The following ZNF106 variants were observed in gnomAD, a reference collection of about 807,000 sequenced individuals.
ZNF106 encodes the protein SH3-domain binding protein 3.
ZNF106 carries 67 observed loss-of-function variants against 195.1 expected under a neutral mutation model. That is an observed-to-expected ratio of 0.34 (90% CI 0.28 to 0.42). ZNF106 has a LOEUF of 0.42. ZNF106 is among the 10% of genes least tolerant of loss of function. ZNF106 has a pLI of 1.00. For synonymous variants in ZNF106, 784 were observed against 818.6 expected, an observed-to-expected ratio of 0.96 and a Z score of 0.72; for missense variants, 2,118 against 2,304.5, an observed-to-expected ratio of 0.92 and a Z score of 1.66.
At chr15:42,429,003 G>A (rs1304146065) in intron 14 of ZNF106, among the ~76,000 whole-genome samples, 1 of 151,332 alleles carries the variant, frequency 6.6e-6, no homozygotes, top group South Asian at 2.1e-4. Context: ...CTGACCTCGT[G>A]ATCTGCCCGC....
chr15:42,420,804 G>A (rs2054626584), intron 20 of ZNF106, among the ~76,000 whole-genome samples: 1 of 152,156 alleles, frequency 6.6e-6, no homozygotes, highest in African/African-American at 2.4e-5. Flanking sequence ...CGGGAGTAGA[G>A]GGGGCAGTGC....
At chr15:42,446,492 G>T in intron 7 of ZNF106, 97 bp downstream of exon 7, 1 of 879,416 alleles carries the variant, frequency 1.1e-6, no homozygotes, top group African/African-American at 1.7e-5. Flanking sequence ...GAAGAGGATT[G>T]CTTGAGCCCA....
chr15:42,435,260 T>A, intron 14 of ZNF106, 124 bp downstream of exon 14: 1 of 1,342,228 alleles, frequency 7.5e-7, no homozygotes, highest in Non-Finnish European at 1.0e-6. Flanking sequence ...GTGCTAAACA[T>A]TGTTTAGAAG....
chr15:42,427,067 G>A (rs1206977997), intron 15 of ZNF106, among the ~76,000 whole-genome samples: 1 of 152,100 alleles, frequency 6.6e-6, no homozygotes, highest in African/African-American at 2.4e-5. Flanking sequence ...TCTAACACAT[G>A]GTTACAAGAT....
In ZNF106 at chr15:42,451,520, C is replaced by T. The variant is rs770329803; in HGVS notation, c.752G>A (p.Ser251Asn). The T allele has an allele frequency of 3.1e-6, 5 of 1,614,102 alleles. No individual in the cohort carries two copies. The Admixed American group carries it at 8.3e-5, about 27-fold the overall frequency. ...ATTCCAATTATTTGTACTACGTACA[C>T]TGGATTTCCAGTTTCCGTTACTGTT... Reference protein sequence around the residue: ...MNNSNGNWKSSVRSTNNWNYS... With the variant: ...MNNSNGNWKSNVRSTNNWNYS... Residue 251 changes from serine (S) to asparagine (N), a missense_variant, in exon 5 of 22, where the codon AGT (serine) becomes AAT (asparagine). Ser to Asn is a conservative substitution (Grantham distance 46, BLOSUM62 1). Transcript: ENST00000564754.
At chr15:42,436,088 G>A (rs1054856400) in intron 13 of ZNF106, among the ~76,000 whole-genome samples, 2 of 151,864 alleles carry the variant, frequency 1.3e-5, no homozygotes, top group Admixed American at 6.6e-5. Context: ...CAAGTAGCTG[G>A]GACTACAGGT....
In ZNF106 at chr15:42,414,262, C is replaced by CA. The variant is rs1370990613; in HGVS notation, c.*3041dup. 2 of 152,154 alleles carry CA rather than the reference C, an allele frequency of 1.3e-5. No homozygotes were observed. Among genetic ancestry groups the CA allele is most frequent in the Non-Finnish European group, 2.9e-5 (2 of 68,038 alleles). 9.4% of individuals were successfully genotyped at this position (152,154 alleles called of 1,614,324 possible). ...TGTGGAAGACATTAAAAAAAGAAGG[C>CA]AAAGTTCTGTATAATTTTCAAGACT... On this transcript the variant is annotated 3_prime_UTR_variant, in exon 22 of 22. Coordinates refer to ENST00000564754, the MANE Select transcript of ZNF106 (RefSeq NM_001366845.3).
chr15:42,421,835 C>T (rs2054668001), intron 19 of ZNF106, 82 bp downstream of exon 19: 3 of 1,129,604 alleles, frequency 2.7e-6, no homozygotes, highest in East Asian at 4.9e-5. Flanking sequence ...ATATCAGAAG[C>T]AGATGTCACT....
At chr15:42,436,201 C>T (rs923402320) in intron 13 of ZNF106, among the ~76,000 whole-genome samples, 1 of 152,172 alleles carries the variant, frequency 6.6e-6, no homozygotes, top group Admixed American at 6.5e-5. Context: ...GATCCACCCA[C>T]CTTGGCCTCC....
At chr15:42,464,865 A>G (rs550719907) in intron 3 of ZNF106, among the ~76,000 whole-genome samples, 12 of 152,254 alleles carry the variant, frequency 7.9e-5, no homozygotes, top group African/African-American at 2.9e-4. Context: ...ATGGTAGTGA[A>G]TAAGTCTCAG....
intron 1 of ZNF106, among the ~76,000 whole-genome samples, chr15:42,482,267 A>G (rs1257804447): frequency 6.6e-6 from 1 of 152,082 alleles, no homozygotes. Context: ...GCTAATCCCA[A>G]CGTTTAAGCA....
At chr15:42,474,051 G>GT (rs2056733416) in intron 1 of ZNF106, among the ~76,000 whole-genome samples, 2 of 152,170 alleles carry the variant, frequency 1.3e-5, no homozygotes, top group Non-Finnish European at 2.9e-5. Context: ...ACAGCCAGAA[G>GT]CGTGAGCCAT....
At chr15:42,485,392 A>G (rs911479888) in intron 1 of ZNF106, among the ~76,000 whole-genome samples, 4 of 152,230 alleles carry the variant, frequency 2.6e-5, no homozygotes, top group Non-Finnish European at 5.9e-5. Context: ...ATTCAATATC[A>G]TGCTGTTACA....
In ZNF106 at chr15:42,413,946, T is replaced by C. The variant is rs1374808885; in HGVS notation, c.*3358A>G. ...CTAATTAAAAACTTTCACAGAAAAC[T>C]TGAAGTGACTGATACTTTATCACAA... On this transcript the variant is annotated 3_prime_UTR_variant, in exon 22 of 22. Transcript: ENST00000564754. The C allele has an allele frequency of 6.6e-6, 1 of 152,240 alleles. No individual in the cohort carries two copies. The highest frequency in any genetic ancestry group is 2.4e-5 in the African/African-American group (1 of 41,462). 9.4% of individuals were successfully genotyped at this position (152,240 alleles called of 1,614,324 possible).
chr15:42,433,324 C>T (rs1256775361), intron 14 of ZNF106, among the ~76,000 whole-genome samples: 1 of 151,970 alleles, frequency 6.6e-6, no homozygotes, highest in African/African-American at 2.4e-5. Context: ...CCAGGGTGGT[C>T]CCGATCTCCT....
intron 1 of ZNF106, among the ~76,000 whole-genome samples, chr15:42,478,812 CA>C (rs2056840060): frequency 6.6e-6 from 1 of 151,886 alleles, no homozygotes; most frequent in African/African-American, 2.4e-5. Context: ...ATGCCCAGCC[CA>C]GATGTCCTCA....
At chr15:42,440,020 T>G (rs2055441698) in intron 10 of ZNF106, among the ~76,000 whole-genome samples, 1 of 152,226 alleles carries the variant, frequency 6.6e-6, no homozygotes, top group Non-Finnish European at 1.5e-5. Flanking sequence ...TCACAAACAC[T>G]GTGTGTCTTA....
intron 7 of ZNF106, among the ~76,000 whole-genome samples, chr15:42,445,402 TGTTA>T (rs568821591): frequency 8.5e-5 from 13 of 152,360 alleles, no homozygotes; most frequent in African/African-American, 3.1e-4. Context: ...ATATTTAGTC[TGTTA>T]GTTGACTTAA....
chr15:42,440,996 AAAATATAT>A (rs1181410603), intron 10 of ZNF106, among the ~76,000 whole-genome samples: 4 of 49,386 alleles, frequency 8.1e-5, no homozygotes, highest in Non-Finnish European at 9.2e-5. Context: ...AAAAAAAAAA[AAAATATAT>A]ATATATATAT....
Sources: gnomAD v4.1 joint callset for allele counts (sites outside exome capture counted in the v4.1 genomes callset) on GRCh38, gnomAD v4.1.1 for gene constraint, MANE v1.5 for transcripts, NCBI Gene and HGNC (gene_info 2026-07-23, HGNC 2026-07-21) for gene names.